Variants in ASB9 observed in about 807,000 individuals in gnomAD.
The protein encoded by ASB9 is ankyrin repeat and SOCS box containing 9.
In ASB9, 5 loss-of-function variants were observed where a neutral mutation model predicts 16.6. That is an observed-to-expected ratio of 0.30 (90% confidence interval 0.16 to 0.63). The LOEUF is 0.63. Among genes scored for constraint, ASB9 ranks in the 30% least tolerant of loss-of-function variants. The pLI is 0.82. For missense variants in ASB9, 216 were observed against 229.4 expected (o/e 0.94, Z 0.38); for synonymous variants, 100 against 86.4 (o/e 1.16, Z -0.87).
chrX:15,248,775 G>A lies in ASB9; in HGVS notation c.729C>T (p.Ser243=). Residue 243 remains serine (S), a synonymous_variant, in exon 6 of 7, where the codon AGC becomes AGT. Coordinates refer to ENST00000380488, the MANE Select transcript of ASB9 (RefSeq NM_001031739.3). The stretch of plus-strand genomic sequence containing the variant: ...TCTCCAAGAAGAGCTGGGCCAAGGG[G>A]CTCTCTGGAGGCACCAGCTCCACAG... ...KRPVELVPPE[S]PLAQLFLERE... is the part of the protein sequence containing the mutation. The A allele has an allele frequency of 2.5e-6, 3 of 1,210,574 alleles. No homozygotes were observed. The highest frequency in any genetic ancestry group is 4.6e-4 in the Middle Eastern group (2 of 4,348).
rs1255124039 is a variant in ASB9, at chrX:15,258,892, G to A, written c.148C>T (p.Leu50=). The change falls in exon 2 of 7, where the codon CTG becomes TTG. Residue 50 remains leucine (L), a synonymous_variant. Transcript: ENST00000380488. ...MHEAAIHGHQ[L]SLRNLISQGW... ...TGGCTGATGAGGTTCCTCAGAGACA[G>A]CTGATGTCCGTGGATTGCAGCTTCA... 3 of 1,209,517 alleles carry A rather than the reference G, an allele frequency of 2.5e-6. No individual in the cohort carries two copies. The Admixed American group carries it at 6.6e-5, about 26-fold the overall frequency.
At chrX:15,264,575 A>C (rs1926237377) in intron 1 of ASB9, among the ~76,000 whole-genome samples, 1 of 110,859 alleles carries the variant, frequency 9.0e-6, no homozygotes, top group Admixed American at 9.6e-5. Context: ...CTGCAGGTGG[A>C]GGTGGGAGCA....
chrX:15,246,053 T>G (rs1273412074), intron 6 of ASB9, among the ~76,000 whole-genome samples: 1 of 111,722 alleles, frequency 9.0e-6, no homozygotes, highest in Non-Finnish European at 1.9e-5. Flanking sequence ...GTGGGGAAAC[T>G]GAACCTAATC....
At chrX:15,259,041 T>C (rs953157277) in intron 1 of ASB9, 96 bp from the exon 2 acceptor site, 1 of 584,863 alleles carries the variant, frequency 1.7e-6, no homozygotes, top group African/African-American at 2.2e-5. Flanking sequence ...AGGCCCTGGA[T>C]GGAGGGAGAC....
intron 1 of ASB9, among the ~76,000 whole-genome samples, chrX:15,265,602 C>A (rs1926315111): frequency 9.3e-6 from 1 of 107,921 alleles, no homozygotes; most frequent in South Asian, 4.2e-4. Context: ...TAGGCCCCCA[C>A]CCCAGGCCTA....
intron 1 of ASB9, among the ~76,000 whole-genome samples, chrX:15,262,729 T>G (rs1926073580): frequency 8.9e-6 from 1 of 112,504 alleles, no homozygotes; most frequent in Admixed American, 9.4e-5. Context: ...CCTCCTGGGT[T>G]CAAGTGGTTC....
chrX:15,254,267 G>A (rs929381039), intron 3 of ASB9, among the ~76,000 whole-genome samples: 1 of 112,263 alleles, frequency 8.9e-6, no homozygotes, highest in African/African-American at 3.2e-5. Context: ...AAGATAGCAA[G>A]CCCATAATTT....
At chrX:15,259,030 C>T in intron 1 of ASB9, 85 bp from the exon 2 acceptor site, 1 of 708,692 alleles carries the variant, frequency 1.4e-6, no homozygotes, top group Non-Finnish European at 2.1e-6. Context: ...AAGAGCCTAA[C>T]AGGCCCTGGA....
At chrX:15,253,500 T>C (rs531346175) in intron 3 of ASB9, among the ~76,000 whole-genome samples, 1 of 110,320 alleles carries the variant, frequency 9.1e-6, no homozygotes. Flanking sequence ...CTCAGGAGGC[T>C]GAGGCAGGAG....
intron 2 of ASB9, among the ~76,000 whole-genome samples, chrX:15,257,423 A>G (rs1490749725): frequency 9.0e-6 from 1 of 110,600 alleles, no homozygotes; most frequent in Non-Finnish European, 1.9e-5. Flanking sequence ...AATAATAATA[A>G]TAATAATAAT....
intron 2 of ASB9, among the ~76,000 whole-genome samples, chrX:15,255,569 G>A (rs780347944): frequency 1.8e-5 from 2 of 111,415 alleles, no homozygotes; most frequent in African/African-American, 6.5e-5. Context: ...CCTGACCTGG[G>A]GAGGCAGTCA....
chrX:15,249,716 C>G (rs1322988774), intron 5 of ASB9, among the ~76,000 whole-genome samples: 1 of 112,168 alleles, frequency 8.9e-6, no homozygotes, highest in Non-Finnish European at 1.9e-5. Flanking sequence ...CCTTTCCAGG[C>G]TAGAGGCTTA....
chrX:15,266,563 G>A (rs1437840316), intron 1 of ASB9, among the ~76,000 whole-genome samples: 1 of 111,714 alleles, frequency 9.0e-6, no homozygotes, highest in Non-Finnish European at 1.9e-5. Context: ...AAAACTTGTT[G>A]ACTTTACAAG....
At chrX:15,264,928 G>A (rs1228416923) in intron 1 of ASB9, among the ~76,000 whole-genome samples, 2 of 111,784 alleles carry the variant, frequency 1.8e-5, no homozygotes, top group Admixed American at 1.9e-4. Context: ...ACAACAGGAG[G>A]TAAGAAACCA....
chrX:15,253,061 C>T (rs1925253609), intron 3 of ASB9, among the ~76,000 whole-genome samples: 1 of 108,399 alleles, frequency 9.2e-6, no homozygotes, highest in African/African-American at 3.4e-5. Flanking sequence ...TGGTGAAACC[C>T]GGTCTCTACT....
At chrX:15,261,394 G>C (rs1379446028) in intron 1 of ASB9, among the ~76,000 whole-genome samples, 1 of 111,770 alleles carries the variant, frequency 8.9e-6, no homozygotes, top group Non-Finnish European at 1.9e-5. Context: ...CAGCTGCTAA[G>C]AAATACAGCT....
intron 2 of ASB9, among the ~76,000 whole-genome samples, chrX:15,258,228 G>A (rs188190900): frequency 2.3e-4 from 26 of 112,031 alleles, no homozygotes; most frequent in African/African-American, 7.8e-4. Context: ...TGGAGATATG[G>A]TTCTGGCTGA....
At chrX:15,245,332 T>C (rs185129239) in intron 6 of ASB9, among the ~76,000 whole-genome samples, 1 of 110,858 alleles carries the variant, frequency 9.0e-6, no homozygotes, top group African/African-American at 3.3e-5. Context: ...GGAAGGGTGC[T>C]ACTGGCATCT....
intron 1 of ASB9, among the ~76,000 whole-genome samples, chrX:15,260,727 C>A (rs1009765645): frequency 1.8e-5 from 2 of 111,936 alleles, no homozygotes; most frequent in African/African-American, 6.5e-5. Context: ...CTGAGAAGAC[C>A]TGGAGAAGGA....
Sources: allele counts gnomAD v4.1 joint callset (sites outside exome capture counted in the v4.1 genomes callset), GRCh38; gene constraint gnomAD v4.1.1; transcripts MANE v1.5; gene names NCBI Gene and HGNC (gene_info 2026-07-23, HGNC 2026-07-21).